HAUS4: variants seen among roughly 807,000 people sequenced by gnomAD.
HAUS4 encodes HAUS augmin like complex subunit 4.
Under a neutral mutation model 50.6 loss-of-function variants are expected in HAUS4, and 34 were observed. The ratio of observed to expected loss-of-function variants is 0.67; its 90% CI spans 0.51 to 0.90. The LOEUF (loss-of-function observed/expected upper bound fraction) is 0.90, where lower values mean the gene tolerates loss of function less well. HAUS4 is among the 40% of genes least tolerant of loss of function. The pLI is 0.00. For synonymous variants in HAUS4, 149 were observed against 161.4 expected (o/e 0.92, Z 0.58); for missense variants, 370 against 428.7 (o/e 0.86, Z 1.21).
Position 22,947,705 on chromosome 14 carries a change from C to T in HAUS4, c.735G>A (p.Leu245=). 1 of 1,614,076 alleles carries T rather than the reference C, an allele frequency of 6.2e-7. No homozygotes were observed. The highest frequency in any genetic ancestry group is 8.5e-7 in the Non-Finnish European group (1 of 1,179,990). The change falls in exon 8 of 10, where the codon CTG becomes CTA. Residue 245 remains leucine, a synonymous_variant. Coordinates refer to ENST00000541587, the MANE Select transcript of HAUS4 (RefSeq NM_001166269.2). ...SQVLLRCLTL[L]QRLLQEHRLK... Reference sequence around the variant, plus strand: ...GCCGGTGTTCTTGAAGAAGCCTCTGCAGCAAAGTGAGGCAGCGGAGAAGCA... The same window carrying T: ...GCCGGTGTTCTTGAAGAAGCCTCTGTAGCAAAGTGAGGCAGCGGAGAAGCA...
chr14:22,948,813 G>A (rs2044694290), intron 6 of HAUS4, among the ~76,000 whole-genome samples: 1 of 152,074 alleles, frequency 6.6e-6, no homozygotes, highest in African/African-American at 2.4e-5. Context: ...GGTATTACAG[G>A]CGTAAGCCAC....
At chr14:22,951,749 T>C (rs2044757174) in intron 4 of HAUS4, 60 bp from the exon 5 acceptor site, 1 of 1,475,054 alleles carries the variant, frequency 6.8e-7, no homozygotes, top group Admixed American at 2.1e-5. Flanking sequence ...CCACTCCACC[T>C]CTTCCATCCT....
chr14:22,955,198 G>A (rs1180513138), intron 1 of HAUS4, 22 bp from the exon 2 acceptor site: 5 of 1,430,620 alleles, frequency 3.5e-6, no homozygotes, highest in Non-Finnish European at 4.9e-6. Context: ...AGAAGTGAAA[G>A]AAAACAAAAA....
intron 4 of HAUS4, 118 bp downstream of exon 4, chr14:22,952,210 G>A: frequency 1.3e-6 from 1 of 757,518 alleles, no homozygotes; most frequent in South Asian, 1.7e-5. Context: ...TAGAGACGGG[G>A]TCTTACCATG....
rs986865162 is a variant in HAUS4 at position 22,947,480 on chromosome 14, T to A, written c.839+121A>T. 3.7e-6 allele frequency: 4 copies of A among 1,076,080 alleles called. No homozygotes were observed. The African/African-American group carries it at 6.3e-5, about 17-fold the overall frequency. 66.7% of individuals were successfully genotyped at this position (1,076,080 alleles called of 1,614,324 possible). On this transcript the variant is annotated intron_variant, in intron 8 of 9. Coordinates refer to ENST00000541587, the MANE Select transcript of HAUS4 (RefSeq NM_001166269.2). ...TAATCCAAAAGCTAATACTGCTATG[T>A]GACATTTACTGGATACCCACAAGGC...
intron 1 of HAUS4, among the ~76,000 whole-genome samples, chr14:22,956,417 TAA>T (rs996276887): frequency 5.3e-5 from 8 of 152,162 alleles, no homozygotes; most frequent in African/African-American, 1.9e-4. Flanking sequence ...TGACTGCAAA[TAA>T]AAAGTTTTGC....
chr14:22,948,452 AGC>A (rs2044684891), intron 6 of HAUS4, among the ~76,000 whole-genome samples: 1 of 6,438 alleles, frequency 1.6e-4, no homozygotes, highest in Non-Finnish European at 6.5e-4. Flanking sequence ...AAAAAAAAAA[AGC>A]GGGGGGGGGG....
chr14:22,953,060 C>A (rs191069839), intron 2 of HAUS4, among the ~76,000 whole-genome samples: 1 of 152,272 alleles, frequency 6.6e-6, no homozygotes, highest in African/African-American at 2.4e-5. Flanking sequence ...AAACACAACA[C>A]GTGAAGTTCC....
chr14:22,952,713 A>G, intron 2 of HAUS4, 30 bp from the exon 3 acceptor site: 1 of 1,549,122 alleles, frequency 6.5e-7, no homozygotes. Flanking sequence ...AGGTACAAAA[A>G]AACAAAAAAG....
chr14:22,951,974 G>C (rs1456757271), intron 4 of HAUS4, among the ~76,000 whole-genome samples: 1 of 148,320 alleles, frequency 6.7e-6, no homozygotes, highest in Non-Finnish European at 1.5e-5. Context: ...GCCACAGTTG[G>C]CCTGGTCATT....
At chr14:22,954,146 AG>A (rs2044815459) in intron 2 of HAUS4, among the ~76,000 whole-genome samples, 1 of 152,222 alleles carries the variant, frequency 6.6e-6, no homozygotes, top group South Asian at 2.1e-4. Context: ...ATGAGAAAAA[AG>A]TGTAAGAAAT....
At chr14:22,955,044 C>A in intron 2 of HAUS4, 56 bp downstream of exon 2, 5 of 1,282,780 alleles carry the variant, frequency 3.9e-6, no homozygotes, top group Non-Finnish European at 5.7e-6. Context: ...AGGCAAGAAC[C>A]TGGATAAGAC....
intron 6 of HAUS4, among the ~76,000 whole-genome samples, chr14:22,948,461 G>T (rs1216692206): frequency 2.4e-5 from 3 of 125,370 alleles, no homozygotes; most frequent in Non-Finnish European, 5.5e-5. Flanking sequence ...AAGCGGGGGG[G>T]GGGAGGGCAT....
chr14:22,946,324 T>G lies in HAUS4; in HGVS notation c.*201A>C. The G allele has an allele frequency of 2.3e-6, 1 of 428,810 alleles. No homozygotes were observed. The highest frequency in any genetic ancestry group is 4.1e-6 in the Non-Finnish European group (1 of 243,004). 26.6% of individuals were successfully genotyped at this position (428,810 alleles called of 1,614,324 possible). ...ATGCATAAAAATTATATAAATCTCCTTGCTAGATTTTCCAGAAGAGGCCCA... is the reference window on the plus strand; with the variant it reads ...ATGCATAAAAATTATATAAATCTCCGTGCTAGATTTTCCAGAAGAGGCCCA... On this transcript the variant is annotated 3_prime_UTR_variant, in exon 10 of 10. Coordinates refer to ENST00000541587, the MANE Select transcript of HAUS4 (RefSeq NM_001166269.2).
At chr14:22,947,811 CA>C in intron 7 of HAUS4, 56 bp downstream of exon 7, 1 of 1,610,458 alleles carries the variant, frequency 6.2e-7, no homozygotes, top group South Asian at 1.1e-5. Context: ...TTGTCTTCCC[CA>C]AAAGTGCTCC....
Position 22,951,660 on chromosome 14 carries a change from A to C in HAUS4, c.360T>G (p.Leu120=), listed in dbSNP as rs374621232. The C allele has an allele frequency of 6.2e-7, 1 of 1,613,508 alleles. No homozygotes were observed. The highest frequency in any genetic ancestry group is 1.3e-5 in the African/African-American group (1 of 74,892). The change falls in exon 5 of 10, where the codon CTT becomes CTG. Residue 120 remains leucine, a synonymous_variant. Coordinates refer to ENST00000541587, the MANE Select transcript of HAUS4 (RefSeq NM_001166269.2). ...KFHETLEQRL[L]VTELMRLLGP... ...CTAAGAGCCGCATCAGTTCAGTTAC[A>C]AGCAGCCGCTGTTCAAGGGTCTCAT...
chr14:22,955,663 G>GTT (rs61060692), intron 1 of HAUS4: 15 of 143,850 alleles, frequency 1.0e-4, no homozygotes, highest in Admixed American at 2.1e-4. Flanking sequence ...TCTGTTGGTA[G>GTT]TTTTTTTTTT....
intron 5 of HAUS4, 124 bp downstream of exon 5, chr14:22,951,431 G>T: frequency 2.7e-6 from 3 of 1,092,402 alleles, no homozygotes; most frequent in South Asian, 1.4e-5. Flanking sequence ...TCTTATTTGA[G>T]TCTGACCACC....
chr14:22,949,114 G>A (rs1193488393), intron 6 of HAUS4, among the ~76,000 whole-genome samples: 1 of 148,206 alleles, frequency 6.7e-6, no homozygotes, highest in African/African-American at 2.5e-5. Context: ...CTGAGATCAC[G>A]CCATTGCACT....
Sources: gnomAD v4.1 joint callset for allele counts (sites outside exome capture counted in the v4.1 genomes callset) on GRCh38, gnomAD v4.1.1 for gene constraint, MANE v1.5 for transcripts, NCBI Gene and HGNC (gene_info 2026-07-23, HGNC 2026-07-21) for gene names.